SMAD9: variants seen among roughly 807,000 people sequenced by gnomAD.
SMAD9 encodes MAD homolog 9.
SMAD9 carries 36 observed loss-of-function variants against 46.1 expected under a neutral mutation model. The ratio of observed to expected loss-of-function variants is 0.78; its 90% CI spans 0.60 to 1.03. The LOEUF is 1.03. Ranked by LOEUF, SMAD9 falls within the 50% of genes least tolerant of loss-of-function variation. SMAD9 has a pLI of 0.00. For missense variants in SMAD9, 572 were observed against 599.8 expected (o/e 0.95, Z 0.48); for synonymous variants, 245 against 237.1 (o/e 1.03, Z -0.31).
intron 1 of SMAD9, among the ~76,000 whole-genome samples, chr13:36,899,474 G>A (rs1371865463): frequency 1.3e-5 from 2 of 152,132 alleles, no homozygotes; most frequent in African/African-American, 4.8e-5. Flanking sequence ...CTATTGACTA[G>A]GAATCAATAA....
intron 1 of SMAD9, among the ~76,000 whole-genome samples, chr13:36,882,193 C>A (rs524706): frequency 0.039 from 5,843 of 151,292 alleles, 379 homozygotes; most frequent in African/African-American, 0.13. Flanking sequence ...TAATAATAAT[C>A]ATTTCATGAA....
intron 1 of SMAD9, among the ~76,000 whole-genome samples, chr13:36,906,368 C>T (rs1323968992): frequency 1.3e-5 from 2 of 151,960 alleles, no homozygotes; most frequent in African/African-American, 4.8e-5. Context: ...TGAAAAGACA[C>T]TTACATAAAT....
rs987498172 is a variant in SMAD9 at position 36,889,060 on chromosome 13, G to C, written c.-186-9185C>G. Among the ~76,000 whole-genome samples the C allele has an allele frequency of 4.6e-5, 7 of 152,266 alleles. No individual in the cohort carries two copies. In the East Asian group the frequency reaches 1.4e-3, roughly 29 times the overall value. On this transcript the variant is annotated intron_variant, in intron 1 of 6. Transcript: ENST00000379826. ...TGAGAAGAGGACTGCAGAAGAGTGG[G>C]AAACAGGTTGCCCACTGTCTTTCCA... is the stretch of plus-strand genomic sequence containing the variant.
chr13:36,854,375 T>A (rs1235472933), intron 5 of SMAD9, among the ~76,000 whole-genome samples: 3 of 151,922 alleles, frequency 2.0e-5, no homozygotes, highest in African/African-American at 7.2e-5. Context: ...AAATTTTATT[T>A]TTTTTTTTTT....
Position 36,847,222 on chromosome 13 carries a change from T to C in SMAD9, c.*1454A>G, listed in dbSNP as rs911540527. 1.3e-5 allele frequency: 2 copies of C among 152,220 alleles called. No homozygotes were observed. Among genetic ancestry groups the C allele is most frequent in the Admixed American group, 6.5e-5 (1 of 15,284 alleles). The allele number at this position is 152,220 out of a possible 1,614,324, so 9.4% of individuals were successfully genotyped here. A position where few individuals can be genotyped will look rare whatever the true frequency, so the allele number is the denominator to read the frequency against. ...GAAAAACTACCATGTGCACTAATGC[T>C]AGAAAGAGTTGAGATAAAATGTATA... is the stretch of plus-strand genomic sequence containing the variant. On this transcript the variant is annotated 3_prime_UTR_variant, in exon 7 of 7. Transcript: ENST00000379826.
chr13:36,891,231 C>T (rs919920084), intron 1 of SMAD9, among the ~76,000 whole-genome samples: 11 of 151,220 alleles, frequency 7.3e-5, no homozygotes, highest in Non-Finnish European at 1.0e-4. Context: ...AACCTCCTTG[C>T]GGAAGCTATC....
At chr13:36,883,664 C>T (rs1003759392) in intron 1 of SMAD9, among the ~76,000 whole-genome samples, 1 of 152,102 alleles carries the variant, frequency 6.6e-6, no homozygotes, top group Non-Finnish European at 1.5e-5. Flanking sequence ...GGTAGGAGGA[C>T]GGCTTGAGCC....
Position 36,879,425 on chromosome 13 carries a change from G to T in SMAD9, c.265C>A (p.His89Asn). 6.2e-7 allele frequency: 1 copy of T among 1,613,876 alleles called. No individual in the cohort carries two copies. Among genetic ancestry groups the T allele is most frequent in the South Asian group, 1.1e-5 (1 of 91,086 alleles). ...LQVSHRKGLPHVIYCRVWRWP... is the reference protein window; with the variant it reads ...LQVSHRKGLPNVIYCRVWRWP... ...CGCCACACGCGACAGTAAATCACATGGGGCAGGCCCTTGCGGTGGGACACC... is the reference window on the plus strand; with the variant it reads ...CGCCACACGCGACAGTAAATCACATTGGGCAGGCCCTTGCGGTGGGACACC... Residue 89 changes from histidine (H) to asparagine (N), a missense_variant, in exon 2 of 7, where the codon CAT (histidine) becomes AAT (asparagine). Transcript: ENST00000379826.
At chr13:36,897,540 T>C (rs1010146333) in intron 1 of SMAD9, among the ~76,000 whole-genome samples, 2 of 152,174 alleles carry the variant, frequency 1.3e-5, no homozygotes, top group Non-Finnish European at 2.9e-5. Context: ...GACTGTCTAT[T>C]TGAAAACTGG....
intron 1 of SMAD9, among the ~76,000 whole-genome samples, chr13:36,919,855 C>T (rs1296620207): frequency 1.4e-5 from 2 of 139,876 alleles, no homozygotes; most frequent in African/African-American, 5.4e-5. Context: ...CCCAGACAGG[C>T]TCCACCAAAA....
intron 6 of SMAD9, among the ~76,000 whole-genome samples, chr13:36,853,086 A>G (rs1468539025): frequency 6.6e-6 from 1 of 152,180 alleles, no homozygotes; most frequent in Non-Finnish European, 1.5e-5. Context: ...GGAGTTCAAG[A>G]CCACTCTGGC....
chr13:36,897,773 G>A (rs1484084589), intron 1 of SMAD9, among the ~76,000 whole-genome samples: 1 of 149,338 alleles, frequency 6.7e-6, no homozygotes, highest in African/African-American at 2.5e-5. Flanking sequence ...AATTCATGCA[G>A]TTCATGACTT....
chr13:36,858,530 T>G (rs560792217), intron 5 of SMAD9, among the ~76,000 whole-genome samples: 1 of 152,184 alleles, frequency 6.6e-6, no homozygotes, highest in Non-Finnish European at 1.5e-5. Context: ...ACAAGCTTGT[T>G]TGGGTCCAAC....
At chr13:36,898,870 C>A (rs1369341178) in intron 1 of SMAD9, among the ~76,000 whole-genome samples, 6 of 152,148 alleles carry the variant, frequency 3.9e-5, no homozygotes, top group African/African-American at 9.7e-5. Context: ...GTACAGAAAT[C>A]TACTCTCACC....
At position 36,865,708 on chromosome 13, in the gene SMAD9, A is replaced by G. The variant is rs1422987266; in HGVS notation, c.832T>C (p.Tyr278His). ...EEPQHWCSVA[Y>H]YELNNRVGET... ...CCAACTCGGTTGTTCAGTTCATAGT[A>G]GGCGACCGAGCACCAGTGCTGGGGC... Residue 278 changes from tyrosine to histidine, a missense_variant, in exon 5 of 7, where the codon TAC (tyrosine) becomes CAC (histidine). Tyr to His is a moderately conservative substitution (Grantham distance 83). Transcript: ENST00000379826. 5.0e-6 allele frequency: 8 copies of G among 1,614,174 alleles called. No homozygotes were observed. Among genetic ancestry groups the G allele is most frequent in the Non-Finnish European group, 6.8e-6 (8 of 1,180,014 alleles).
intron 1 of SMAD9, among the ~76,000 whole-genome samples, chr13:36,911,621 G>A (rs1046212008): frequency 3.3e-5 from 2 of 60,276 alleles, no homozygotes; most frequent in South Asian, 5.8e-4. Flanking sequence ...TGCCTGGGGG[G>A]GGGGGGGGCG....
intron 1 of SMAD9, among the ~76,000 whole-genome samples, chr13:36,905,815 A>AC: frequency 9.7e-6 from 1 of 102,776 alleles, no homozygotes. Context: ...AAAAAAAAAA[A>AC]CTTATATCCT....
At chr13:36,856,455 G>A (rs1593553008) in intron 5 of SMAD9, among the ~76,000 whole-genome samples, 1 of 152,204 alleles carries the variant, frequency 6.6e-6, no homozygotes, top group Non-Finnish European at 1.5e-5. Flanking sequence ...TGGGCAGGTA[G>A]GCAGTCGTCC....
At chr13:36,893,814 A>C (rs1454977769) in intron 1 of SMAD9, among the ~76,000 whole-genome samples, 3 of 152,154 alleles carry the variant, frequency 2.0e-5, no homozygotes, top group Non-Finnish European at 4.4e-5. Flanking sequence ...TTCTGAGCAG[A>C]AGGCAGGGGA....
Sources: gnomAD v4.1 joint callset for allele counts (sites outside exome capture counted in the v4.1 genomes callset) on GRCh38, gnomAD v4.1.1 for gene constraint, MANE v1.5 for transcripts, NCBI Gene and HGNC (gene_info 2026-07-23, HGNC 2026-07-21) for gene names.